The following KHDRBS2 variants were observed in gnomAD, a reference collection of about 807,000 sequenced individuals.
KHDRBS2 encodes KH domain-containing, RNA-binding, signal transduction-associated protein 2.
Under a neutral mutation model 44.3 loss-of-function variants are expected in KHDRBS2, and 26 were observed. That is an observed-to-expected ratio of 0.59 (90% CI 0.43 to 0.81). The LOEUF is 0.81. Ranked by LOEUF, KHDRBS2 falls within the 40% of genes least tolerant of loss-of-function variation. The pLI is 0.00. For missense variants in KHDRBS2, 476 were observed against 433.1 expected, an observed-to-expected ratio of 1.10 and a Z score of -0.88; for synonymous variants, 194 against 151.1, an observed-to-expected ratio of 1.28 and a Z score of -2.08.
the KHDRBS2 span, among the ~76,000 whole-genome samples, chr6:61,610,637 A>G: frequency 2.6e-5 from 4 of 152,166 alleles, no homozygotes; most frequent in Admixed American, 2.6e-4. Context: ...AAGTATTCTC[A>G]TGACACAGTA....
intron 1 of KHDRBS2, among the ~76,000 whole-genome samples, chr6:62,262,467 C>A (rs973000089): frequency 6.6e-6 from 1 of 151,738 alleles, no homozygotes; most frequent in Non-Finnish European, 1.5e-5. Flanking sequence ...TTAATCGTTT[C>A]TGTCATTGTC....
At chr6:62,072,801 T>C (rs965998929) in intron 2 of KHDRBS2, among the ~76,000 whole-genome samples, 7 of 152,142 alleles carry the variant, frequency 4.6e-5, no homozygotes, top group South Asian at 2.1e-4. Flanking sequence ...TCTAAAATTC[T>C]CTTTTTTTGT....
the KHDRBS2 span, among the ~76,000 whole-genome samples, chr6:61,612,977 C>G: frequency 1.3e-5 from 2 of 150,626 alleles, no homozygotes; most frequent in Non-Finnish European, 1.5e-5. Flanking sequence ...CTCAGCCTCC[C>G]GAGTAGCTGG....
chr6:62,165,369 C>A (rs1350446100), intron 2 of KHDRBS2, among the ~76,000 whole-genome samples: 2 of 146,432 alleles, frequency 1.4e-5, no homozygotes, highest in Non-Finnish European at 3.0e-5. Context: ...CTCCAATTGT[C>A]TTACTGGTTA....
At chr6:61,933,178 G>A (rs547951567) in intron 4 of KHDRBS2, among the ~76,000 whole-genome samples, 31 of 152,154 alleles carry the variant, frequency 2.0e-4, no homozygotes, top group Non-Finnish European at 3.8e-4. Flanking sequence ...GGAGGAAGAG[G>A]AAGAGAGAGA....
chr6:61,795,488 A>AAT (rs1785203553), intron 6 of KHDRBS2, among the ~76,000 whole-genome samples: 1 of 152,136 alleles, frequency 6.6e-6, no homozygotes, highest in African/African-American at 2.4e-5. Context: ...TAAAAAAAAA[A>AAT]ACTGCTTTAG....
At chr6:61,578,673 A>T in the KHDRBS2 span, among the ~76,000 whole-genome samples, 1 of 152,204 alleles carries the variant, frequency 6.6e-6, no homozygotes, top group Non-Finnish European at 1.5e-5. Flanking sequence ...GTGATAAGAT[A>T]TTTTTAATGT....
chr6:61,617,758 C>CA, the KHDRBS2 span, among the ~76,000 whole-genome samples: 329 of 152,110 alleles, frequency 2.2e-3, 1 homozygote, highest in African/African-American at 7.7e-3. Flanking sequence ...TATAGAAGCA[C>CA]AAATAAAATT....
chr6:61,546,684 C>A, the KHDRBS2 span, among the ~76,000 whole-genome samples: 2 of 152,030 alleles, frequency 1.3e-5, no homozygotes, highest in Non-Finnish European at 2.9e-5. Flanking sequence ...TATCAGTGGT[C>A]ACAGCGGTGG....
intron 2 of KHDRBS2, among the ~76,000 whole-genome samples, chr6:62,160,163 G>A (rs1817325939): frequency 6.6e-6 from 1 of 151,888 alleles, no homozygotes; most frequent in Admixed American, 6.6e-5. Context: ...AAACAAACAA[G>A]ACATTTTGCA....
intron 1 of KHDRBS2, among the ~76,000 whole-genome samples, chr6:62,250,619 G>C (rs1201418597): frequency 2.0e-5 from 3 of 151,930 alleles, no homozygotes; most frequent in Non-Finnish European, 4.4e-5. Flanking sequence ...TATATGTGGA[G>C]GGAGTGCTGT....
intron 3 of KHDRBS2, among the ~76,000 whole-genome samples, chr6:61,978,479 C>T (rs534465389): frequency 6.6e-6 from 1 of 151,956 alleles, no homozygotes; most frequent in Non-Finnish European, 1.5e-5. Flanking sequence ...AAATGCTAAA[C>T]CCCTGAAAAT....
At chr6:61,756,635 C>A (rs1778527740) in intron 6 of KHDRBS2, among the ~76,000 whole-genome samples, 1 of 152,152 alleles carries the variant, frequency 6.6e-6, no homozygotes, top group Non-Finnish European at 1.5e-5. Context: ...TTGTGGAACT[C>A]TTTAGGAAAT....
chr6:61,939,126 C>T (rs34265304), intron 4 of KHDRBS2, among the ~76,000 whole-genome samples: 12 of 151,478 alleles, frequency 7.9e-5, no homozygotes, highest in Admixed American at 3.3e-4. Flanking sequence ...GGACCCCACA[C>T]CAAAAATTAT....
the KHDRBS2 span, among the ~76,000 whole-genome samples, chr6:61,603,354 A>G: frequency 1.3e-5 from 2 of 152,100 alleles, no homozygotes; most frequent in Admixed American, 6.6e-5. Context: ...GATCTCAAAC[A>G]TGCTTTCTTT....
the KHDRBS2 span, among the ~76,000 whole-genome samples, chr6:61,614,038 T>C: frequency 2.6e-5 from 4 of 152,246 alleles, no homozygotes; most frequent in East Asian, 7.7e-4. Context: ...GAAATGGTGC[T>C]TGACACTTTA....
At chr6:61,831,728 C>G (rs1249272632) in intron 6 of KHDRBS2, among the ~76,000 whole-genome samples, 1 of 151,768 alleles carries the variant, frequency 6.6e-6, no homozygotes, top group Non-Finnish European at 1.5e-5. Context: ...GGTGAAAATA[C>G]AATTATATTA....
intron 4 of KHDRBS2, among the ~76,000 whole-genome samples, chr6:61,959,244 C>A (rs1768100823): frequency 6.6e-6 from 1 of 152,178 alleles, no homozygotes; most frequent in African/African-American, 2.4e-5. Context: ...AGGGCATACT[C>A]TTAGTTACCA....
chr6:62,059,320 A>G (rs1938104261), intron 2 of KHDRBS2, among the ~76,000 whole-genome samples: 1 of 149,914 alleles, frequency 6.7e-6, no homozygotes, highest in African/African-American at 2.4e-5. Context: ...AAAAGAAAAA[A>G]CATATGGGGC....
Sources: gnomAD v4.1 joint callset for allele counts (sites outside exome capture counted in the v4.1 genomes callset) on GRCh38, gnomAD v4.1.1 for gene constraint, MANE v1.5 for transcripts, NCBI Gene and HGNC (gene_info 2026-07-23, HGNC 2026-07-21) for gene names.